Variants in PTPRD observed in about 807,000 individuals in gnomAD.
The protein encoded by PTPRD is receptor-type tyrosine-protein phosphatase delta.
A neutral mutation model predicts 214.5 loss-of-function variants in PTPRD; 34 were observed. That is an observed-to-expected ratio of 0.16 (90% CI 0.12 to 0.21). PTPRD has a LOEUF of 0.21. PTPRD is among the 10% of genes least tolerant of loss of function. The probability of loss-of-function intolerance (pLI) is 1.00; values close to 1 mark genes in which losing one functional copy is unlikely to be tolerated. For synonymous variants in PTPRD, 1,128 were observed against 845.7 expected (o/e 1.33, Z -5.79); for missense variants, 2,545 against 2,398.7 (o/e 1.06, Z -1.27).
intron 7 of PTPRD, among the ~76,000 whole-genome samples, chr9:9,619,606 C>A (rs1161949552): frequency 6.9e-6 from 1 of 143,970 alleles, no homozygotes; most frequent in East Asian, 2.0e-4. Context: ...AGATAATATA[C>A]AAATATCTAT....
intron 11 of PTPRD, among the ~76,000 whole-genome samples, chr9:8,961,794 T>C (rs2099160214): frequency 6.6e-6 from 1 of 152,136 alleles, no homozygotes; most frequent in South Asian, 2.1e-4. Flanking sequence ...TGGCACTGTT[T>C]GAAACACAGA....
chr9:8,356,629 T>C (rs921297487), intron 39 of PTPRD, among the ~76,000 whole-genome samples: 15 of 152,234 alleles, frequency 9.9e-5, no homozygotes, highest in Admixed American at 9.2e-4. Flanking sequence ...TTCCTGCAGA[T>C]GTCTAGATTC....
chr9:9,847,191 T>C (rs1221050111), intron 5 of PTPRD, among the ~76,000 whole-genome samples: 1 of 152,140 alleles, frequency 6.6e-6, no homozygotes, highest in Non-Finnish European at 1.5e-5. Flanking sequence ...TCTTTGTCCC[T>C]GTACATGATT....
At chr9:9,334,612 T>C (rs1342519966) in intron 9 of PTPRD, among the ~76,000 whole-genome samples, 1 of 152,018 alleles carries the variant, frequency 6.6e-6, no homozygotes, top group Non-Finnish European at 1.5e-5. Context: ...TATCTCTCTG[T>C]GCCTGTGTTA....
chr9:8,648,901 T>C (rs761328551), intron 12 of PTPRD, among the ~76,000 whole-genome samples: 1 of 152,214 alleles, frequency 6.6e-6, no homozygotes, highest in South Asian at 2.1e-4. Context: ...GCTAATTTAC[T>C]CATTAATCAT....
chr9:9,432,988 G>A (rs563954734), intron 8 of PTPRD, among the ~76,000 whole-genome samples: 1 of 152,174 alleles, frequency 6.6e-6, no homozygotes, highest in African/African-American at 2.4e-5. Flanking sequence ...TAGTCACTGT[G>A]GTAGAATCAG....
At chr9:8,498,085 G>A (rs953463865) in intron 25 of PTPRD, among the ~76,000 whole-genome samples, 2 of 152,084 alleles carry the variant, frequency 1.3e-5, no homozygotes, top group African/African-American at 4.8e-5. Context: ...GGGGTATTAC[G>A]AAGCACTACT....
At chr9:9,824,205 A>G (rs925345767) in intron 5 of PTPRD, among the ~76,000 whole-genome samples, 1 of 151,994 alleles carries the variant, frequency 6.6e-6, no homozygotes, top group Non-Finnish European at 1.5e-5. Flanking sequence ...TCAGAAATCC[A>G]AAACATTTCT....
intron 14 of PTPRD, among the ~76,000 whole-genome samples, chr9:8,616,732 C>A (rs1048194862): frequency 6.6e-6 from 1 of 152,136 alleles, no homozygotes; most frequent in African/African-American, 2.4e-5. Flanking sequence ...AACTACCTTT[C>A]AAGTGAGAGA....
intron 8 of PTPRD, among the ~76,000 whole-genome samples, chr9:9,573,816 G>A (rs533322102): frequency 1.1e-3 from 167 of 151,758 alleles, no homozygotes; most frequent in African/African-American, 3.7e-3. Flanking sequence ...TCTTTAAAAA[G>A]TAATGAAAAA....
intron 2 of PTPRD, among the ~76,000 whole-genome samples, chr9:10,451,210 C>G (rs2098839471): frequency 6.6e-6 from 1 of 151,874 alleles, no homozygotes; most frequent in South Asian, 2.1e-4. Context: ...ATTTGAGGCT[C>G]TATTTTGAAC....
chr9:9,768,986 C>T (rs1382889298), intron 5 of PTPRD, among the ~76,000 whole-genome samples: 1 of 152,124 alleles, frequency 6.6e-6, no homozygotes, highest in Non-Finnish European at 1.5e-5. Context: ...TAGGCACATA[C>T]ACCCTAGGAT....
intron 10 of PTPRD, among the ~76,000 whole-genome samples, chr9:9,138,622 G>C (rs2099854858): frequency 6.6e-6 from 1 of 152,132 alleles, no homozygotes; most frequent in African/African-American, 2.4e-5. Context: ...ATCTGTGTTT[G>C]TGTGGGGAGG....
chr9:9,778,364 G>T (rs1366775600), intron 5 of PTPRD, among the ~76,000 whole-genome samples: 3 of 152,156 alleles, frequency 2.0e-5, no homozygotes, highest in Non-Finnish European at 4.4e-5. Context: ...ATCTGGCAGG[G>T]GGATTTCCCT....
chr9:8,709,500 G>A (rs1388658018), intron 12 of PTPRD, among the ~76,000 whole-genome samples: 3 of 138,344 alleles, frequency 2.2e-5, no homozygotes, highest in African/African-American at 8.1e-5. Context: ...GGGAGACAGA[G>A]TGAGACTCCA....
intron 3 of PTPRD, among the ~76,000 whole-genome samples, chr9:10,132,927 C>A (rs2098908876): frequency 6.8e-6 from 1 of 147,730 alleles, no homozygotes; most frequent in African/African-American, 2.5e-5. Context: ...TAGGATACAA[C>A]AGAAGTGATG....
chr9:8,492,997 A>T lies in PTPRD; in HGVS notation c.2350-18T>A, dbSNP rs1454316537. 9 of 1,585,284 alleles carry T rather than the reference A, an allele frequency of 5.7e-6. No homozygotes were observed. The African/African-American group carries it at 9.4e-5, about 17-fold the overall frequency. On this transcript the variant is annotated intron_variant, in intron 26 of 45. Coordinates refer to ENST00000381196, the MANE Select transcript of PTPRD (RefSeq NM_002839.4). The stretch of plus-strand genomic sequence containing the variant: ...ATCATGTCCTGAAATGACAAAATAG[A>T]ATGTCACTGATTCAAAACATGCTAC...
chr9:9,302,636 T>G (rs1218943309), intron 9 of PTPRD, among the ~76,000 whole-genome samples: 1 of 149,338 alleles, frequency 6.7e-6, no homozygotes, highest in Non-Finnish European at 1.5e-5. Context: ...TGGTGTTCTG[T>G]CCTTTGCCTT....
At chr9:9,546,129 A>G (rs890517139) in intron 8 of PTPRD, among the ~76,000 whole-genome samples, 1 of 151,434 alleles carries the variant, frequency 6.6e-6, no homozygotes, top group African/African-American at 2.4e-5. Flanking sequence ...TTTTTTCACT[A>G]AATATATAGT....
Sources: gnomAD v4.1 joint callset for allele counts (sites outside exome capture counted in the v4.1 genomes callset) on GRCh38, gnomAD v4.1.1 for gene constraint, MANE v1.5 for transcripts, NCBI Gene and HGNC (gene_info 2026-07-23, HGNC 2026-07-21) for gene names.